The following SLC35E3 variants were observed in gnomAD, a reference collection of about 807,000 sequenced individuals.
SLC35E3 encodes the protein solute carrier family 35 member E3.
In SLC35E3, 28 loss-of-function variants were observed where a neutral mutation model predicts 30.8. That is an observed-to-expected ratio of 0.91 (90% CI 0.67 to 1.25). The LOEUF is 1.25. SLC35E3 is among the 50% of genes most tolerant of loss of function. The probability of loss-of-function intolerance (pLI) is 0.00; values close to 1 mark genes in which losing one functional copy is unlikely to be tolerated. For synonymous variants in SLC35E3, 146 were observed against 149.2 expected (o/e 0.98, Z 0.16); for missense variants, 365 against 375.4 (o/e 0.97, Z 0.23).
intron 3 of SLC35E3, among the ~76,000 whole-genome samples, chr12:68,756,309 A>T (rs1362306685): frequency 2.6e-5 from 4 of 151,340 alleles, no homozygotes; most frequent in African/African-American, 9.7e-5. Context: ...ATTAAAAAAA[A>T]AAAAAAAAAA....
chr12:68,758,729 CTTTTTTT>C lies in SLC35E3; in HGVS notation c.673-404_673-398del, dbSNP rs776771224. On this transcript the variant is annotated intron_variant, in intron 3 of 4. Transcript: ENST00000398004. The stretch of plus-strand genomic sequence containing the variant: ...TGTCTCCCAACCCCAAATTCTCTTT[CTTTTTTT>C]TTTTTTTTTTTTTTTTTTTTTTTGA... 6.2e-5 allele frequency among the ~76,000 whole-genome samples: 3 copies of C among 48,420 alleles called. No individual in the cohort carries two copies. In the East Asian group the frequency reaches 2.5e-3, roughly 40 times the overall value. 31.8% of individuals were successfully genotyped at this position (48,420 alleles called of 152,430 possible). A position where few individuals can be genotyped will look rare whatever the true frequency, so the allele number is the denominator to read the frequency against.
chr12:68,753,103 A>AT (rs1878864115), intron 3 of SLC35E3, among the ~76,000 whole-genome samples: 1 of 31,690 alleles, frequency 3.2e-5, no homozygotes, highest in Non-Finnish European at 7.9e-5. Flanking sequence ...CTGGGATCAC[A>AT]CCTGTCTCAA....
At chr12:68,760,775 A>G (rs1879211164) in intron 4 of SLC35E3, among the ~76,000 whole-genome samples, 1 of 152,242 alleles carries the variant, frequency 6.6e-6, no homozygotes, top group Non-Finnish European at 1.5e-5. Context: ...AATGAACCAC[A>G]TAGACAAAAG....
At chr12:68,762,932 T>C (rs1592544294) in intron 4 of SLC35E3, among the ~76,000 whole-genome samples, 1 of 151,870 alleles carries the variant, frequency 6.6e-6, no homozygotes, top group Non-Finnish European at 1.5e-5. Context: ...CAGGTCCAGG[T>C]GTGAACACTG....
At chr12:68,749,196 G>C (rs1878703086) in intron 2 of SLC35E3, among the ~76,000 whole-genome samples, 1 of 152,146 alleles carries the variant, frequency 6.6e-6, no homozygotes, top group Non-Finnish European at 1.5e-5. Context: ...TAGAATCAAA[G>C]GATTCTATAT....
intron 3 of SLC35E3, among the ~76,000 whole-genome samples, chr12:68,758,600 A>G (rs1192049854): frequency 1.3e-5 from 2 of 152,096 alleles, no homozygotes; most frequent in Non-Finnish European, 2.9e-5. Context: ...GAAATTCACA[A>G]TCACAGAAAG....
rs548949712 is a variant in SLC35E3 at position 68,778,508 on chromosome 12, G to T, written c.*13618G>T. ...TGTTTTTTAGAAACAGGGTCTTGCC[G>T]GCCAGGCGTGGTGACTCATGCCTGT... On this transcript the variant is annotated 3_prime_UTR_variant, in exon 5 of 5. Transcript: ENST00000398004. 3.3e-5 allele frequency: 5 copies of T among 151,978 alleles called. No homozygotes were observed. Among genetic ancestry groups the T allele is most frequent in the Non-Finnish European group, 5.9e-5 (4 of 67,960 alleles). 9.4% of individuals were successfully genotyped at this position (151,978 alleles called of 1,614,324 possible).
chr12:68,778,949 A>G lies in SLC35E3; in HGVS notation c.*14059A>G, dbSNP rs1405511614. 1 of 152,068 alleles carries G rather than the reference A, an allele frequency of 6.6e-6. No homozygotes were observed. The highest frequency in any genetic ancestry group is 6.6e-5 in the Admixed American group (1 of 15,240). The allele number at this position is 152,068 out of a possible 1,614,324, so 9.4% of individuals were successfully genotyped here. ...GCGAAACTCCATCTCTACTAAAAATACAAAAGTTAGTTGGGCGTGGTGGTG... is the reference window on the plus strand; with the variant it reads ...GCGAAACTCCATCTCTACTAAAAATGCAAAAGTTAGTTGGGCGTGGTGGTG... On this transcript the variant is annotated 3_prime_UTR_variant, in exon 5 of 5. Coordinates refer to ENST00000398004, the MANE Select transcript of SLC35E3 (RefSeq NM_018656.5).
chr12:68,755,978 T>A (rs1475738326), intron 3 of SLC35E3, among the ~76,000 whole-genome samples: 1 of 152,132 alleles, frequency 6.6e-6, no homozygotes, highest in Non-Finnish European at 1.5e-5. Flanking sequence ...TGGCTCGCAA[T>A]CCCACAGCTA....
chr12:68,768,271 G>A lies in SLC35E3; in HGVS notation c.*3381G>A, dbSNP rs1472284729. ...GCCATTGCACACCAGCCTGGGTGAC[G>A]AGAGTGAAACTCTGTCTCAAAAAAA... On this transcript the variant is annotated 3_prime_UTR_variant, in exon 5 of 5. Transcript: ENST00000398004. The A allele has an allele frequency of 3.3e-5, 5 of 151,330 alleles. No homozygotes were observed. Among genetic ancestry groups the A allele is most frequent in the East Asian group, 1.9e-4 (1 of 5,162 alleles). 9.4% of individuals were successfully genotyped at this position (151,330 alleles called of 1,614,324 possible).
At position 68,779,784 on chromosome 12, in the gene SLC35E3, T is replaced by C. The variant is rs1879835952; in HGVS notation, c.*14894T>C. 1 of 151,958 alleles carries C rather than the reference T, an allele frequency of 6.6e-6. No individual in the cohort carries two copies. Among genetic ancestry groups the C allele is most frequent in the East Asian group, 1.9e-4 (1 of 5,190 alleles). 9.4% of individuals were successfully genotyped at this position (151,958 alleles called of 1,614,324 possible). Reference sequence around the variant, plus strand: ...ACCCCCGTCTCTATAAAAAATTTTATAAAATTAGCCGGGCATGGTGGTAGA... The same window carrying C: ...ACCCCCGTCTCTATAAAAAATTTTACAAAATTAGCCGGGCATGGTGGTAGA... On this transcript the variant is annotated 3_prime_UTR_variant, in exon 5 of 5. Transcript: ENST00000398004.
chr12:68,767,156 C>T lies in SLC35E3; in HGVS notation c.*2266C>T, dbSNP rs1467840471. On this transcript the variant is annotated 3_prime_UTR_variant, in exon 5 of 5. Transcript: ENST00000398004. ...CCATTTATGGAGTGCTACATGTTTG[C>T]AAAATGTATTTCTGCTTTTCATCTT... is the stretch of plus-strand genomic sequence containing the variant. 6.6e-6 allele frequency: 1 copy of T among 152,298 alleles called. No homozygotes were observed. The highest frequency in any genetic ancestry group is 2.4e-5 in the African/African-American group (1 of 41,422). The allele number at this position is 152,298 out of a possible 1,614,324, so 9.4% of individuals were successfully genotyped here.
At position 68,764,729 on chromosome 12, in the gene SLC35E3, T is replaced by G; in HGVS notation, c.781T>G (p.Phe261Val). The G allele has an allele frequency of 6.2e-7, 1 of 1,614,106 alleles. No individual in the cohort carries two copies. The highest frequency in any genetic ancestry group is 2.2e-5 in the East Asian group (1 of 44,874). Residue 261 changes from phenylalanine (F) to valine (V), a missense_variant, in exon 5 of 5, where the codon TTC (phenylalanine) becomes GTC (valine). By Grantham distance (50) the Phe-to-Val change is conservative. Coordinates refer to ENST00000398004, the MANE Select transcript of SLC35E3 (RefSeq NM_018656.5). ...CTATAACATGTTCGGACACTTCAAGTTCTGCATTACTTTATTCGGAGGATA... is the reference window on the plus strand; with the variant it reads ...CTATAACATGTTCGGACACTTCAAGGTCTGCATTACTTTATTCGGAGGATA... ...VTYNMFGHFKFCITLFGGYVL... is the reference protein window; with the variant it reads ...VTYNMFGHFKVCITLFGGYVL...
chr12:68,777,397 ACT>A lies in SLC35E3; in HGVS notation c.*12513_*12514del, dbSNP rs1303865612. ...TCCTCACAGGAATGTCACACCTGTG[ACT>A]CTCTCATACCTCCAAAATCTCACTG... is the stretch of plus-strand genomic sequence containing the variant. On this transcript the variant is annotated 3_prime_UTR_variant, in exon 5 of 5. Transcript: ENST00000398004. 1.3e-5 allele frequency: 2 copies of A among 151,982 alleles called. No homozygotes were observed. Among genetic ancestry groups the A allele is most frequent in the Non-Finnish European group, 1.5e-5 (1 of 68,006 alleles). 9.4% of individuals were successfully genotyped at this position (151,982 alleles called of 1,614,324 possible).
Position 68,746,405 on chromosome 12 carries a change from G to A in SLC35E3, c.28G>A (p.Gly10Ser), listed in dbSNP as rs1268770559. 1 of 1,605,510 alleles carries A rather than the reference G, an allele frequency of 6.2e-7. No homozygotes were observed. Among genetic ancestry groups the A allele is most frequent in the South Asian group, 1.1e-5 (1 of 89,766 alleles). Residue 10 changes from glycine to serine, a missense_variant, in exon 1 of 5, where the codon GGC (glycine) becomes AGC (serine). Coordinates refer to ENST00000398004, the MANE Select transcript of SLC35E3 (RefSeq NM_018656.5). ...GGCATTGCTGGTGGACCGAGTGCGG[G>A]GCCACTGGCGAATCGCCGCCGGGCT... MALLVDRVRGHWRIAAGLLF... is the reference protein window; with the variant it reads MALLVDRVRSHWRIAAGLLF...
chr12:68,765,073 A>G lies in SLC35E3; in HGVS notation c.*183A>G. The G allele has an allele frequency of 2.1e-6, 1 of 466,770 alleles. No individual in the cohort carries two copies. Among genetic ancestry groups the G allele is most frequent in the African/African-American group, 2.0e-5 (1 of 50,840 alleles). 28.9% of individuals were successfully genotyped at this position (466,770 alleles called of 1,614,324 possible). On this transcript the variant is annotated 3_prime_UTR_variant, in exon 5 of 5. Transcript: ENST00000398004. ...GGAGTTCGAGACCAGCCTGACCAAC[A>G]TGGAGAAACCCTGTCTCAACTAATA... is the stretch of plus-strand genomic sequence containing the variant.
chr12:68,759,350 TAGAG>T lies in SLC35E3; in HGVS notation c.755+116_755+119del. The stretch of plus-strand genomic sequence containing the variant: ...TAACTATTGCATGGCCTAAATTGAG[TAGAG>T]AGAGTTATTTTTAGCCTTTTACTGT... On this transcript the variant is annotated intron_variant, in intron 4 of 4. Transcript: ENST00000398004. 5.3e-6 allele frequency: 4 copies of T among 753,540 alleles called. No homozygotes were observed. The Admixed American group carries it at 9.7e-5, about 18-fold the overall frequency. 46.7% of individuals were successfully genotyped at this position (753,540 alleles called of 1,614,324 possible). A position where few individuals can be genotyped will look rare whatever the true frequency, so the allele number is the denominator to read the frequency against.
rs1233974600 is a variant in SLC35E3, at chr12:68,766,924, G to C, written c.*2034G>C. 1 of 291,942 alleles carries C rather than the reference G, an allele frequency of 3.4e-6. No homozygotes were observed. Among genetic ancestry groups the C allele is most frequent in the South Asian group, 2.6e-5 (1 of 38,286 alleles). 18.1% of individuals were successfully genotyped at this position (291,942 alleles called of 1,614,324 possible). ...CCTACCTCCCTGCTTCTATTGCCTA[G>C]CCCGTACATTTGAGGCTTCCATGGA... is the stretch of plus-strand genomic sequence containing the variant. On this transcript the variant is annotated 3_prime_UTR_variant, in exon 5 of 5. Transcript: ENST00000398004.
chr12:68,770,115 A>G lies in SLC35E3; in HGVS notation c.*5225A>G, dbSNP rs1879563645. On this transcript the variant is annotated 3_prime_UTR_variant, in exon 5 of 5. Transcript: ENST00000398004. ...TAGCTAGGCAGAGGGAGGGTATTGC[A>G]TTCTGGAAAGAGGGAATAGCACATA... 1 of 152,240 alleles carries G rather than the reference A, an allele frequency of 6.6e-6. No individual in the cohort carries two copies. The highest frequency in any genetic ancestry group is 1.5e-5 in the Non-Finnish European group (1 of 68,066). 9.4% of individuals were successfully genotyped at this position (152,240 alleles called of 1,614,324 possible).
Sources: allele counts gnomAD v4.1 joint callset (sites outside exome capture counted in the v4.1 genomes callset), GRCh38; gene constraint gnomAD v4.1.1; transcripts MANE v1.5; gene names NCBI Gene and HGNC (gene_info 2026-07-23, HGNC 2026-07-21).